CHD6: variants seen among roughly 807,000 people sequenced by gnomAD.
The protein encoded by CHD6 is chromodomain helicase DNA binding protein 6.
Under a neutral mutation model 276.9 loss-of-function variants are expected in CHD6, and 50 were observed. That is an observed-to-expected ratio of 0.18 (90% CI 0.14 to 0.23). The LOEUF is 0.23. CHD6 is among the 10% of genes least tolerant of loss of function. The probability of loss-of-function intolerance (pLI) is 1.00; values close to 1 mark genes in which losing one functional copy is unlikely to be tolerated. For missense variants in CHD6, 2,564 were observed against 3,365.8 expected, an observed-to-expected ratio of 0.76 and a Z score of 5.89; for synonymous variants, 1,173 against 1,229.3, an observed-to-expected ratio of 0.95 and a Z score of 0.96.
chr20:41,490,727 C>T (rs548208016), intron 11 of CHD6, among the ~76,000 whole-genome samples: 8 of 152,144 alleles, frequency 5.3e-5, no homozygotes, highest in Non-Finnish European at 1.0e-4. Context: ...GCAGAAGAAT[C>T]GTTTGAACCC....
chr20:41,457,190 T>C, intron 18 of CHD6, 74 bp downstream of exon 18: 2 of 1,532,676 alleles, frequency 1.3e-6, no homozygotes, highest in South Asian at 1.2e-5. Context: ...CTTAAACAGC[T>C]GTAAGAAGAG....
At position 41,585,665 on chromosome 20, in the gene CHD6, T is replaced by C. The variant is rs558729430; in HGVS notation, c.-24+32675A>G. Among the ~76,000 whole-genome samples, 125 of 152,090 alleles carry C rather than the reference T, an allele frequency of 8.2e-4. 1 individual carries two copies. Among genetic ancestry groups the C allele is most frequent in the African/African-American group, 2.8e-3 (115 of 41,486 alleles). On this transcript the variant is annotated intron_variant, in intron 1 of 36. Coordinates refer to ENST00000373233, the MANE Select transcript of CHD6 (RefSeq NM_032221.5). ...TACTGTATTTAAGGAAGAAATAATA[T>C]CAATTTTACATAAACTCTTCCAGAA...
chr20:41,427,543 T>G (rs2047404340), intron 27 of CHD6, among the ~76,000 whole-genome samples: 1 of 152,182 alleles, frequency 6.6e-6, no homozygotes. Flanking sequence ...GAGCTGGGAT[T>G]CAAATACAGG....
intron 16 of CHD6, 58 bp downstream of exon 16, chr20:41,483,251 A>T: frequency 7.0e-7 from 1 of 1,437,240 alleles, no homozygotes; most frequent in Non-Finnish European, 9.3e-7. Context: ...GATCAAAAAA[A>T]TATCAAAGGA....
intron 36 of CHD6, among the ~76,000 whole-genome samples, chr20:41,409,555 C>T (rs1448506423): frequency 3.3e-5 from 5 of 152,096 alleles, no homozygotes; most frequent in African/African-American, 7.2e-5. Flanking sequence ...CTTTCTCCTC[C>T]GAAGGTTAGT....
chr20:41,542,566 G>C (rs796711992), intron 2 of CHD6, among the ~76,000 whole-genome samples: 8 of 151,930 alleles, frequency 5.3e-5, no homozygotes, highest in African/African-American at 1.9e-4. Context: ...GGTGGCGGGC[G>C]CCTGTAGTCC....
At chr20:41,510,865 C>T (rs1386431095) in intron 5 of CHD6, among the ~76,000 whole-genome samples, 1 of 152,168 alleles carries the variant, frequency 6.6e-6, no homozygotes, top group Admixed American at 6.5e-5. Context: ...GGCAGTCTTG[C>T]AAGTGCTATT....
chr20:41,451,063 G>C lies in CHD6; in HGVS notation c.3566C>G (p.Thr1189Arg), dbSNP rs1426393743. Residue 1189 changes from threonine to arginine, a missense_variant, in exon 23 of 37, where the codon ACG (threonine) becomes AGG (arginine). Around this residue, in one of 7 missense-constraint regions of CHD6, gnomAD observed 515 missense variants for 739.5 expected, o/e 0.70. Coordinates refer to ENST00000373233, the MANE Select transcript of CHD6 (RefSeq NM_032221.5). ...PVPRGRKGKK[T>R]KNQLLIPELK... ...CTCTGGGATTAGCAACTGGTTCTTC[G>C]TCTTCTTCCCCTTCCTCCCTCTGGG... 1.9e-6 allele frequency: 3 copies of C among 1,613,974 alleles called. No individual in the cohort carries two copies. Among genetic ancestry groups the C allele is most frequent in the Non-Finnish European group, 2.5e-6 (3 of 1,179,856 alleles).
intron 2 of CHD6, among the ~76,000 whole-genome samples, chr20:41,541,021 T>C (rs2044931182): frequency 6.8e-6 from 1 of 146,384 alleles, no homozygotes; most frequent in East Asian, 2.0e-4. Flanking sequence ...CTACAGAACA[T>C]ACTAAATGTA....
At chr20:41,509,909 C>T (rs2044074397) in intron 5 of CHD6, among the ~76,000 whole-genome samples, 1 of 152,146 alleles carries the variant, frequency 6.6e-6, no homozygotes, top group African/African-American at 2.4e-5. Flanking sequence ...TGAGCTAAAG[C>T]GAATCCTGTG....
At chr20:41,515,937 A>C (rs2044239924) in intron 3 of CHD6, among the ~76,000 whole-genome samples, 1 of 152,250 alleles carries the variant, frequency 6.6e-6, no homozygotes, top group Non-Finnish European at 1.5e-5. Context: ...AGATGGATGC[A>C]TTAATGAATG....
chr20:41,612,731 T>TA (rs1439177603), intron 1 of CHD6, among the ~76,000 whole-genome samples: 2 of 152,224 alleles, frequency 1.3e-5, no homozygotes, highest in Non-Finnish European at 2.9e-5. Flanking sequence ...CCAAAGTAGA[T>TA]AGAGTCCAGA....
At chr20:41,561,856 T>C (rs1239832248) in intron 1 of CHD6, among the ~76,000 whole-genome samples, 1 of 152,220 alleles carries the variant, frequency 6.6e-6, no homozygotes. Flanking sequence ...GTGACATCTC[T>C]TCCTTTTTGG....
At position 41,412,273 on chromosome 20, in the gene CHD6, A is replaced by C; in HGVS notation, c.7132-10T>G. 6.2e-7 allele frequency: 1 copy of C among 1,613,946 alleles called. No individual in the cohort carries two copies. Among genetic ancestry groups the C allele is most frequent in the Non-Finnish European group, 8.5e-7 (1 of 1,179,902 alleles). ...GTTTGTCTGAAAAATTCTAGGATGA[A>C]AACGGAGACCAATATTACAAAACAT... is the stretch of plus-strand genomic sequence containing the variant. On this transcript the variant is annotated splice_polypyrimidine_tract_variant and intron_variant, in intron 35 of 36. Coordinates refer to ENST00000373233, the MANE Select transcript of CHD6 (RefSeq NM_032221.5).
chr20:41,451,071 C>T lies in CHD6; in HGVS notation c.3558G>A (p.Gly1186=), dbSNP rs1469102206. 1.2e-6 allele frequency: 2 copies of T among 1,614,050 alleles called. No homozygotes were observed. Among genetic ancestry groups the T allele is most frequent in the South Asian group, 1.1e-5 (1 of 91,052 alleles). ...LSAPVPRGRK[G]KKTKNQLLIP... is the part of the protein sequence containing the mutation. ...TTAGCAACTGGTTCTTCGTCTTCTT[C>T]CCCTTCCTCCCTCTGGGGACTGGGG... The change falls in exon 23 of 37, where the codon GGG becomes GGA. Residue 1186 remains glycine, a synonymous_variant. Transcript: ENST00000373233.
chr20:41,457,502 G>C, intron 17 of CHD6, 74 bp from the exon 18 acceptor site: 1 of 1,515,108 alleles, frequency 6.6e-7, no homozygotes, highest in African/African-American at 1.4e-5. Flanking sequence ...ATAGGGGAGT[G>C]CTTAAATGTC....
intron 28 of CHD6, among the ~76,000 whole-genome samples, chr20:41,425,671 C>T (rs551158515): frequency 1.3e-5 from 2 of 152,192 alleles, no homozygotes; most frequent in Admixed American, 6.5e-5. Flanking sequence ...CTCTAAAGCA[C>T]AGGAATGAGC....
intron 1 of CHD6, among the ~76,000 whole-genome samples, chr20:41,582,834 C>T (rs1209574280): frequency 6.6e-6 from 1 of 152,066 alleles, no homozygotes; most frequent in Non-Finnish European, 1.5e-5. Context: ...TTTAAGTCAT[C>T]AGAGATTTAA....
chr20:41,447,420 C>T (rs770033498), intron 24 of CHD6, among the ~76,000 whole-genome samples: 61 of 152,174 alleles, frequency 4.0e-4, no homozygotes, highest in Non-Finnish European at 7.6e-4. Context: ...TATAGCTTTC[C>T]AAACACTAAT....
Sources: allele counts gnomAD v4.1 joint callset (sites outside exome capture counted in the v4.1 genomes callset), GRCh38; gene constraint gnomAD v4.1.1; regional missense constraint gnomAD v4.1.1; transcripts MANE v1.5; gene names NCBI Gene and HGNC (gene_info 2026-07-23, HGNC 2026-07-21).